Variants in THSD7B observed in about 807,000 individuals in gnomAD.
THSD7B encodes thrombospondin type-1 domain-containing protein 7B.
THSD7B carries 138 observed loss-of-function variants against 213.6 expected under a neutral mutation model. That is an observed-to-expected ratio of 0.65 (90% confidence interval 0.56 to 0.74). The LOEUF is 0.74. THSD7B is among the 30% of genes least tolerant of loss of function. THSD7B has a pLI of 0.00. For synonymous variants in THSD7B, 742 were observed against 687.0 expected (o/e 1.08, Z -1.25); for missense variants, 1,931 against 1,991.5 (o/e 0.97, Z 0.58).
chr2:136,941,187 A>T (rs1470977943), intron 2 of THSD7B, among the ~76,000 whole-genome samples: 1 of 152,132 alleles, frequency 6.6e-6, no homozygotes, highest in East Asian at 1.9e-4. Context: ...ACATGAACTC[A>T]TCCTTTTTTA....
At chr2:137,121,725 G>A (rs932794003) in intron 5 of THSD7B, among the ~76,000 whole-genome samples, 5 of 152,140 alleles carry the variant, frequency 3.3e-5, no homozygotes, top group Non-Finnish European at 7.4e-5. Flanking sequence ...ATTCTTCTTT[G>A]TATTCCCAAG....
chr2:137,373,356 C>T (rs13427001), intron 12 of THSD7B, among the ~76,000 whole-genome samples: 7,416 of 152,196 alleles, frequency 0.049, 539 homozygotes, highest in African/African-American at 0.16. Context: ...CTCTCCAGCA[C>T]CTGTTGTTTC....
chr2:137,091,955 C>G (rs1687955843), intron 3 of THSD7B, among the ~76,000 whole-genome samples: 1 of 152,168 alleles, frequency 6.6e-6, no homozygotes, highest in East Asian at 1.9e-4. Flanking sequence ...CTTTACTTGG[C>G]AACAGTGACA....
At chr2:137,427,516 G>GA (rs941949306) in intron 14 of THSD7B, among the ~76,000 whole-genome samples, 21 of 150,058 alleles carry the variant, frequency 1.4e-4, no homozygotes, top group South Asian at 6.3e-4. Context: ...TATTCAGTCT[G>GA]AAAAAAAAAC....
intron 12 of THSD7B, among the ~76,000 whole-genome samples, chr2:137,294,818 T>C (rs1158329521): frequency 6.6e-6 from 1 of 152,062 alleles, no homozygotes; most frequent in African/African-American, 2.4e-5. Flanking sequence ...GTATACCCCA[T>C]GGGTAAGAGG....
intron 12 of THSD7B, among the ~76,000 whole-genome samples, chr2:137,339,413 T>C (rs10207532): frequency 6.6e-6 from 1 of 151,956 alleles, no homozygotes; most frequent in Non-Finnish European, 1.5e-5. Flanking sequence ...CTGGCCATTC[T>C]TGGGGATGTG....
intron 15 of THSD7B, among the ~76,000 whole-genome samples, chr2:137,486,040 C>T (rs534593008): frequency 7.2e-5 from 11 of 152,342 alleles, no homozygotes; most frequent in Admixed American, 7.2e-4. Flanking sequence ...GCTGCAAAAT[C>T]ATGCCAAATT....
intron 12 of THSD7B, among the ~76,000 whole-genome samples, chr2:137,402,402 T>C (rs1270874587): frequency 6.6e-6 from 1 of 152,216 alleles, no homozygotes; most frequent in Non-Finnish European, 1.5e-5. Flanking sequence ...CTAATTTAGA[T>C]AGTTTCTAGA....
At chr2:137,066,017 C>T (rs1218300046) in intron 3 of THSD7B, among the ~76,000 whole-genome samples, 1 of 151,706 alleles carries the variant, frequency 6.6e-6, no homozygotes, top group South Asian at 2.1e-4. Flanking sequence ...TTTTTGTTTT[C>T]GTAGATCTGA....
chr2:137,642,454 A>G, intron 20 of THSD7B, 34 bp from the exon 21 acceptor site: 1 of 1,610,508 alleles, frequency 6.2e-7, no homozygotes. Context: ...AAGCCAAACT[A>G]ACTGAAAAGC....
At chr2:137,580,937 A>G (rs1304170145) in intron 17 of THSD7B, among the ~76,000 whole-genome samples, 1 of 152,168 alleles carries the variant, frequency 6.6e-6, no homozygotes, top group Non-Finnish European at 1.5e-5. Flanking sequence ...CTCATGATCC[A>G]AATATCTCCC....
intron 1 of THSD7B, among the ~76,000 whole-genome samples, chr2:136,871,599 G>A (rs1230696439): frequency 1.8e-4 from 28 of 152,130 alleles, no homozygotes; most frequent in Admixed American, 1.8e-3. Context: ...ATCAGAGAAG[G>A]TGATTTTCCA....
chr2:137,409,870 T>C (rs763679453), intron 13 of THSD7B, among the ~76,000 whole-genome samples: 3 of 152,200 alleles, frequency 2.0e-5, no homozygotes, highest in Non-Finnish European at 4.4e-5. Context: ...ACCTTAAAGA[T>C]AAGGAATAAA....
At chr2:137,212,671 C>A (rs962763336) in intron 7 of THSD7B, among the ~76,000 whole-genome samples, 4 of 151,744 alleles carry the variant, frequency 2.6e-5, no homozygotes, top group African/African-American at 9.7e-5. Flanking sequence ...AAAAAAATAT[C>A]ATTTTTTTTC....
chr2:136,855,604 TA>T (rs1683166538), intron 1 of THSD7B, among the ~76,000 whole-genome samples: 1 of 138,086 alleles, frequency 7.2e-6, no homozygotes, highest in Non-Finnish European at 1.6e-5. Flanking sequence ...ATTTATTTAT[TA>T]TTTATTTATT....
intron 9 of THSD7B, among the ~76,000 whole-genome samples, chr2:137,239,869 T>G (rs967538801): frequency 6.6e-6 from 1 of 152,204 alleles, no homozygotes; most frequent in Non-Finnish European, 1.5e-5. Context: ...CAGGGTGACC[T>G]CATGGTTGAA....
chr2:137,158,326 T>C (rs1679948023), intron 5 of THSD7B, among the ~76,000 whole-genome samples: 1 of 152,134 alleles, frequency 6.6e-6, no homozygotes, highest in Non-Finnish European at 1.5e-5. Context: ...CATCCTATTG[T>C]TCCCATTTCA....
At chr2:136,836,452 T>C (rs1224121044) in intron 1 of THSD7B, among the ~76,000 whole-genome samples, 1 of 152,232 alleles carries the variant, frequency 6.6e-6, no homozygotes, top group African/African-American at 2.4e-5. Context: ...GGATGAGATT[T>C]ATTAGTGTGT....
At chr2:137,199,032 A>C (rs1680823272) in intron 7 of THSD7B, among the ~76,000 whole-genome samples, 1 of 152,150 alleles carries the variant, frequency 6.6e-6, no homozygotes, top group African/African-American at 2.4e-5. Flanking sequence ...CATAACCATA[A>C]GGGGCAGAGC....
Sources: gnomAD v4.1 joint callset for allele counts (sites outside exome capture counted in the v4.1 genomes callset) on GRCh38, gnomAD v4.1.1 for gene constraint, MANE v1.5 for transcripts, NCBI Gene and HGNC (gene_info 2026-07-23, HGNC 2026-07-21) for gene names.